NUP98: variants seen among roughly 807,000 people sequenced by gnomAD.
NUP98 encodes the protein nucleoporin 98 and 96 precursor, also known as nuclear pore complex protein Nup98-Nup96.
Under a neutral mutation model 191.9 loss-of-function variants are expected in NUP98, and 26 were observed. That is an observed-to-expected ratio of 0.14 (90% confidence interval 0.10 to 0.19). The LOEUF (loss-of-function observed/expected upper bound fraction) is 0.19, where lower values mean the gene tolerates loss of function less well. Among genes scored for constraint, NUP98 ranks in the 10% least tolerant of loss-of-function variants. The probability of loss-of-function intolerance (pLI) is 1.00; values close to 1 mark genes in which losing one functional copy is unlikely to be tolerated. For synonymous variants in NUP98, 808 were observed against 778.4 expected (o/e 1.04, Z -0.63); for missense variants, 1,941 against 2,178.8 (o/e 0.89, Z 2.17).
At chr11:3,792,032 A>G (rs151191498) in intron 1 of NUP98, among the ~76,000 whole-genome samples, 2,809 of 150,002 alleles carry the variant, frequency 0.019, 102 homozygotes, top group African/African-American at 0.065. Flanking sequence ...ACAAAAAATT[A>G]GCCGGGCATG....
intron 12 of NUP98, among the ~76,000 whole-genome samples, chr11:3,739,182 G>C (rs184840798): frequency 2.8e-4 from 43 of 152,116 alleles, no homozygotes; most frequent in Admixed American, 2.6e-3. Flanking sequence ...AAGTAAAAAT[G>C]GCATATTACA....
intron 12 of NUP98, among the ~76,000 whole-genome samples, chr11:3,743,863 C>T (rs551168324): frequency 2.0e-4 from 31 of 151,220 alleles, no homozygotes; most frequent in African/African-American, 5.6e-4. Context: ...ATCAGCCTGG[C>T]GAACATGGTG....
At chr11:3,712,072 T>C (rs983785466) in intron 20 of NUP98, 3 of 1,049,646 alleles carry the variant, frequency 2.9e-6, no homozygotes, top group Non-Finnish European at 3.5e-6. Flanking sequence ...AAAGATTATG[T>C]ACTATTAAAA....
intron 11 of NUP98, among the ~76,000 whole-genome samples, chr11:3,750,434 A>G (rs2080705531): frequency 6.6e-6 from 1 of 152,208 alleles, no homozygotes; most frequent in Non-Finnish European, 1.5e-5. Context: ...ATATGTATGT[A>G]CTGACCAAAA....
intron 26 of NUP98, among the ~76,000 whole-genome samples, chr11:3,694,713 C>T (rs112073187): frequency 1.4e-4 from 21 of 151,448 alleles, no homozygotes; most frequent in African/African-American, 5.1e-4. Context: ...GCACTCCAAC[C>T]TGGGCAACAG....
At chr11:3,705,798 A>T (rs1177020994) in intron 21 of NUP98, among the ~76,000 whole-genome samples, 2 of 152,156 alleles carry the variant, frequency 1.3e-5, no homozygotes, top group African/African-American at 4.8e-5. Flanking sequence ...AATATTTTAT[A>T]GAGAAAAATC....
intron 11 of NUP98, 48 bp downstream of exon 11, chr11:3,753,267 GA>G (rs2080833467): frequency 7.0e-7 from 1 of 1,432,784 alleles, no homozygotes; most frequent in East Asian, 2.3e-5. Context: ...CCAGAAACTA[GA>G]AAGTCAAGCT....
At chr11:3,709,587 C>A (rs2078970378) in intron 20 of NUP98, among the ~76,000 whole-genome samples, 1 of 151,282 alleles carries the variant, frequency 6.6e-6, no homozygotes, top group Non-Finnish European at 1.5e-5. Flanking sequence ...CACCTGCAGT[C>A]CCAGTTACTT....
intron 4 of NUP98, among the ~76,000 whole-genome samples, chr11:3,777,973 T>C (rs1387529868): frequency 6.6e-6 from 1 of 151,764 alleles, no homozygotes; most frequent in Non-Finnish European, 1.5e-5. Context: ...CCGAGGCAGA[T>C]GGAACACGAG....
chr11:3,707,385 AAATTC>A (rs1298800593), intron 20 of NUP98, among the ~76,000 whole-genome samples: 1 of 152,172 alleles, frequency 6.6e-6, no homozygotes, highest in Non-Finnish European at 1.5e-5. Flanking sequence ...GGTACAGTAC[AAATTC>A]AATTACCTAT....
At chr11:3,750,703 C>A (rs1285818057) in intron 11 of NUP98, among the ~76,000 whole-genome samples, 1 of 152,044 alleles carries the variant, frequency 6.6e-6, no homozygotes, top group African/African-American at 2.4e-5. Flanking sequence ...TCGTAACCCA[C>A]TGCAGCATCT....
At chr11:3,760,722 G>T in intron 9 of NUP98, 96 bp from the exon 10 acceptor site, 1 of 886,964 alleles carries the variant, frequency 1.1e-6, no homozygotes, top group Non-Finnish European at 1.7e-6. Context: ...TGGGTATGGG[G>T]TGGGAGAAAG....
At chr11:3,738,087 C>CAAAAAAAAAAAA (rs61502115) in intron 12 of NUP98, among the ~76,000 whole-genome samples, 1 of 69,726 alleles carries the variant, frequency 1.4e-5, no homozygotes. Flanking sequence ...TGGGCGTTCT[C>CAAAAAAAAAAAA]AAAAAAAAAA....
intron 16 of NUP98, 98 bp downstream of exon 16, chr11:3,723,059 A>G: frequency 8.8e-7 from 1 of 1,141,342 alleles, no homozygotes; most frequent in Non-Finnish European, 1.3e-6. Context: ...AATACTTAAA[A>G]TGCCAAACAG....
At chr11:3,685,515 G>A (rs1305008435) in intron 29 of NUP98, among the ~76,000 whole-genome samples, 2 of 152,182 alleles carry the variant, frequency 1.3e-5, no homozygotes, top group Non-Finnish European at 2.9e-5. Flanking sequence ...CTGGGATTCA[G>A]AAAAGAGCCC....
intron 16 of NUP98, among the ~76,000 whole-genome samples, chr11:3,722,105 CTTTTTTTTTTTT>C (rs923606079): frequency 1.4e-4 from 15 of 108,264 alleles, no homozygotes; most frequent in Non-Finnish European, 2.7e-4. Flanking sequence ...ACCTGGAATT[CTTTTTTTTTTTT>C]TTTTTTTTTT....
chr11:3,774,572 A>AT (rs1296654546), intron 5 of NUP98, among the ~76,000 whole-genome samples: 1 of 151,746 alleles, frequency 6.6e-6, no homozygotes, highest in Non-Finnish European at 1.5e-5. Flanking sequence ...TAAAAATACA[A>AT]AAATTAGCTT....
intron 27 of NUP98, among the ~76,000 whole-genome samples, chr11:3,692,351 G>A (rs1338223581): frequency 4.0e-5 from 6 of 151,708 alleles, no homozygotes; most frequent in African/African-American, 1.5e-4. Context: ...AAAACACCTG[G>A]GCACGGTGGC....
At chr11:3,705,470 A>G (rs1325417313) in intron 21 of NUP98, 114 bp from the exon 22 acceptor site, 8 of 979,156 alleles carry the variant, frequency 8.2e-6, no homozygotes, top group Admixed American at 2.2e-5. Flanking sequence ...GGCTGTGTAC[A>G]GAGCTAGTAT....
Sources: gnomAD v4.1 joint callset for allele counts (sites outside exome capture counted in the v4.1 genomes callset) on GRCh38, gnomAD v4.1.1 for gene constraint, MANE v1.5 for transcripts, NCBI Gene and HGNC (gene_info 2026-07-23, HGNC 2026-07-21) for gene names.